The following CRLF2 variants were observed in gnomAD, a reference collection of about 807,000 sequenced individuals.
The protein encoded by CRLF2 is cytokine receptor like factor 2, also known as cytokine receptor-like factor 2.
In CRLF2, 41 loss-of-function variants were observed where a neutral mutation model predicts 38.7. The ratio of observed to expected loss-of-function variants is 1.06; its 90% CI spans 0.83 to 1.37. The LOEUF (loss-of-function observed/expected upper bound fraction) is 1.37, where lower values mean the gene tolerates loss of function less well. Ranked by LOEUF, CRLF2 falls within the 40% of genes most tolerant of loss-of-function variation. The pLI is 0.00. For missense variants in CRLF2, 377 were observed against 322.2 expected (o/e 1.17, Z -1.30); for synonymous variants, 140 against 128.8 (o/e 1.09, Z -0.59).
At chrX:1,192,708 TTTTCTTTCTTTC>T (rs1165440754) in intron 7 of CRLF2, among the ~76,000 whole-genome samples, 9,676 of 109,962 alleles carry the variant, frequency 0.088, 489 homozygotes, top group East Asian at 0.13. Context: ...TTTTCTTTTC[TTTTCTTTCTTTC>T]TTTCTTTCTT....
chrX:1,198,095 GA>G (rs1446894085), intron 5 of CRLF2, among the ~76,000 whole-genome samples: 3 of 152,134 alleles, frequency 2.0e-5, no homozygotes, highest in Non-Finnish European at 4.4e-5. Flanking sequence ...GAGGATGACA[GA>G]AGGCTGAGCT....
rs376858148 is a variant in CRLF2 at position 1,198,742 on chromosome X, C to A, written c.484-18G>T. 1 of 778,610 alleles carries A rather than the reference C, an allele frequency of 1.3e-6. No individual in the cohort carries two copies. The allele number at this position is 778,610 out of a possible 1,614,324, so 48.2% of individuals were successfully genotyped here. ...TGTTTGGACTGGAGAAACATACACA[C>A]ACACACACACACACACACACACACA... On this transcript the variant is annotated intron_variant, in intron 4 of 7. Coordinates refer to ENST00000400841, the MANE Select transcript of CRLF2 (RefSeq NM_022148.4).
chrX:1,196,819 A>T lies in CRLF2; in HGVS notation c.728T>A (p.Met243Lys). The change falls in exon 6 of 8, where the codon ATG becomes AAG. Residue 243 changes from methionine to lysine, a missense_variant. Coordinates refer to ENST00000400841, the MANE Select transcript of CRLF2 (RefSeq NM_022148.4). Reference sequence around the variant, plus strand: ...TAAAGACAGAAGGAGGAGAGACACCATCAGAAGGATGGCCAGGCTGGAAAT... The same window carrying T: ...TAAAGACAGAAGGAGGAGAGACACCTTCAGAAGGATGGCCAGGCTGGAAAT... ...ILISSLAILL[M>K]VSLLLLSLWK... is the part of the protein sequence containing the mutation. 1 of 1,613,196 alleles carries T rather than the reference A, an allele frequency of 6.2e-7. No individual in the cohort carries two copies. Among genetic ancestry groups the T allele is most frequent in the Non-Finnish European group, 8.5e-7 (1 of 1,179,492 alleles).
chrX:1,207,130 G>C (rs2086705240), intron 2 of CRLF2, among the ~76,000 whole-genome samples: 1 of 151,280 alleles, frequency 6.6e-6, no homozygotes, highest in Non-Finnish European at 1.5e-5. Context: ...GTTTTTAATA[G>C]AGATGGGATT....
rs1420097441 is a variant in CRLF2 at position 1,212,437 on chromosome X, AAG to A, written c.79+117_79+118del. The A allele has an allele frequency of 8.7e-3, 4,206 of 483,786 alleles. 34 individuals carry two copies. The highest frequency in any genetic ancestry group is 0.015 in the Middle Eastern group (25 of 1,624). The allele number at this position is 483,786 out of a possible 1,614,324, so 30.0% of individuals were successfully genotyped here. A position where few individuals can be genotyped will look rare whatever the true frequency, so the allele number is the denominator to read the frequency against. ...AACCCGGAAAAAAAAAAAAAAAAAAAAGAAAAGAAGAAAGAAACCTCCATGCT... is the reference window on the plus strand; with the variant it reads ...AACCCGGAAAAAAAAAAAAAAAAAAAAAAAGAAGAAAGAAACCTCCATGCT... On this transcript the variant is annotated intron_variant, in intron 1 of 7. Transcript: ENST00000400841.
At chrX:1,212,435 A>AAG (rs2086821150) in intron 1 of CRLF2, 121 bp downstream of exon 1, 18 of 596,204 alleles carry the variant, frequency 3.0e-5, no homozygotes, top group Middle Eastern at 5.0e-4. Context: ...AAAAAAAAAA[A>AAG]AAAGAAAAGA....
chrX:1,192,732 CTTTCTTTCTTTCTTTCTTTCT>C (rs1312585266), intron 7 of CRLF2, among the ~76,000 whole-genome samples: 2 of 96,208 alleles, frequency 2.1e-5, no homozygotes, highest in Admixed American at 1.2e-4. Flanking sequence ...TTCTTTCTTT[CTTTCTTTCTTTCTTTCTTTCT>C]TTCTTTCTTT....
intron 5 of CRLF2, among the ~76,000 whole-genome samples, chrX:1,197,288 ATT>A (rs112992859): frequency 2.1e-5 from 3 of 139,766 alleles, no homozygotes; most frequent in Non-Finnish European, 1.6e-5. Flanking sequence ...AGATGGACCT[ATT>A]TTTTTTTTTT....
intron 3 of CRLF2, among the ~76,000 whole-genome samples, chrX:1,204,597 T>C (rs761548555): frequency 1.3e-4 from 19 of 148,394 alleles, no homozygotes; most frequent in East Asian, 4.0e-4. Flanking sequence ...CTTGGCTCAC[T>C]GCAGCCTCCG....
At chrX:1,196,934 C>A in intron 5 of CRLF2, 34 bp from the exon 6 acceptor site, 2 of 1,607,460 alleles carry the variant, frequency 1.2e-6, no homozygotes, top group South Asian at 1.1e-5. Flanking sequence ...TGTCAGTTTT[C>A]AACATGACGT....
Position 1,196,767 on chromosome X carries a change from G to A in CRLF2, c.767+13C>T. On this transcript the variant is annotated intron_variant, in intron 6 of 7. Transcript: ENST00000400841. ...AGGTCCCTCCACCCACGGGCGGCAG[G>A]AGTCATCCTTACCTCCATAATTTCC... is the stretch of plus-strand genomic sequence containing the variant. 1.2e-6 allele frequency: 2 copies of A among 1,612,808 alleles called. No homozygotes were observed. Among genetic ancestry groups the A allele is most frequent in the Non-Finnish European group, 1.7e-6 (2 of 1,179,338 alleles).
intron 4 of CRLF2, 93 bp downstream of exon 4, chrX:1,202,309 G>A: frequency 6.9e-7 from 1 of 1,446,236 alleles, no homozygotes; most frequent in Non-Finnish European, 9.6e-7. Flanking sequence ...TGTAGACAGA[G>A]GGGAGCGAGG....
chrX:1,202,995 G>A (rs2086634912), intron 3 of CRLF2, among the ~76,000 whole-genome samples: 1 of 150,792 alleles, frequency 6.6e-6, no homozygotes, highest in African/African-American at 2.4e-5. Flanking sequence ...CTATTAGTGA[G>A]GCTGAGGCAG....
At chrX:1,192,333 G>T (rs1190139067) in intron 7 of CRLF2, among the ~76,000 whole-genome samples, 1 of 151,636 alleles carries the variant, frequency 6.6e-6, no homozygotes, top group Non-Finnish European at 1.5e-5. Context: ...TCAACACATA[G>T]GACACAAAAA....
intron 4 of CRLF2, among the ~76,000 whole-genome samples, chrX:1,201,628 G>C (rs2086610337): frequency 6.8e-6 from 1 of 147,008 alleles, no homozygotes; most frequent in Non-Finnish European, 1.5e-5. Context: ...ACAGATGATA[G>C]AGAGATAAAT....
chrX:1,195,486 C>T (rs1343768853), intron 6 of CRLF2, among the ~76,000 whole-genome samples: 1 of 152,088 alleles, frequency 6.6e-6, no homozygotes, highest in Non-Finnish European at 1.5e-5. Flanking sequence ...CAGCTCACTG[C>T]AGCCTTAAAC....
chrX:1,197,040 G>GT, intron 5 of CRLF2, 140 bp from the exon 6 acceptor site: 1 of 570,982 alleles, frequency 1.8e-6, no homozygotes, highest in South Asian at 5.3e-5. Flanking sequence ...CTCGTTGTTT[G>GT]TTTTTTGTTT....
In CRLF2 at chrX:1,198,658, A is replaced by T; in HGVS notation, c.550T>A (p.Trp184Arg). The change falls in exon 5 of 8, where the codon TGG (tryptophan) becomes AGG (arginine). Residue 184 changes from tryptophan to arginine, a missense_variant. By Grantham distance (101) the Trp-to-Arg change is moderately radical. Coordinates refer to ENST00000400841, the MANE Select transcript of CRLF2 (RefSeq NM_022148.4). The stretch of plus-strand genomic sequence containing the variant: ...TCCTCCATAGCCTTCACCCTGACCC[A>T]GAAAGAGTAACACTTCTCGGCATCC... ...GLDAEKCYSF[W>R]VRVKAMEDVY... 6.2e-7 allele frequency: 1 copy of T among 1,613,538 alleles called. No individual in the cohort carries two copies. The highest frequency in any genetic ancestry group is 1.7e-4 in the Middle Eastern group (1 of 6,056).
rs2086423618 is a variant in CRLF2, at chrX:1,193,193, A to T, written c.852+25T>A. Reference sequence around the variant, plus strand: ...GGGCACCTGCTTGGTGGAGAGGAGAAGAGACACAAGGAGAGGGCGGATACC... The same window carrying T: ...GGGCACCTGCTTGGTGGAGAGGAGATGAGACACAAGGAGAGGGCGGATACC... On this transcript the variant is annotated intron_variant, in intron 7 of 7. Transcript: ENST00000400841. 19 of 398,502 alleles carry T rather than the reference A, an allele frequency of 4.8e-5. No homozygotes were observed. In the South Asian group the frequency reaches 2.4e-3, roughly 51 times the overall value. 24.7% of individuals were successfully genotyped at this position (398,502 alleles called of 1,614,324 possible).
Sources: gnomAD v4.1 joint callset for allele counts (sites outside exome capture counted in the v4.1 genomes callset) on GRCh38, gnomAD v4.1.1 for gene constraint, MANE v1.5 for transcripts, NCBI Gene and HGNC (gene_info 2026-07-23, HGNC 2026-07-21) for gene names.